Variants in ABCC3 observed in about 807,000 individuals in gnomAD.
ABCC3 encodes ATP binding cassette subfamily C member 3.
A neutral mutation model predicts 165.3 loss-of-function variants in ABCC3; 121 were observed. That is an observed-to-expected ratio of 0.73 (90% CI 0.63 to 0.85). ABCC3 has a LOEUF of 0.85. ABCC3 is among the 40% of genes least tolerant of loss of function. The pLI is 0.00. For missense variants in ABCC3, 1,869 were observed against 1,964.1 expected, an observed-to-expected ratio of 0.95 and a Z score of 0.92; for synonymous variants, 733 against 810.1, an observed-to-expected ratio of 0.90 and a Z score of 1.62.
At position 50,684,125 on chromosome 17, in the gene ABCC3, G is replaced by T; in HGVS notation, c.4113+18G>T. Reference sequence around the variant, plus strand: ...TCCCGCAGGTAGGAGCCTGGCATGGGCTGGCCACACTCACCAACGGCCCTG... The same window carrying T: ...TCCCGCAGGTAGGAGCCTGGCATGGTCTGGCCACACTCACCAACGGCCCTG... On this transcript the variant is annotated intron_variant, in intron 28 of 30. Coordinates refer to ENST00000285238, the MANE Select transcript of ABCC3 (RefSeq NM_003786.4). The T allele has an allele frequency of 6.2e-7, 1 of 1,610,490 alleles. No homozygotes were observed.
At chr17:50,684,650 G>A (rs761917635) in intron 28 of ABCC3, 59 bp from the exon 29 acceptor site, 92 of 1,546,468 alleles carry the variant, frequency 5.9e-5, no homozygotes, top group Non-Finnish European at 8.0e-5. Context: ...TGGACCTGGG[G>A]CCTATGGCTC....
rs1597858032 is a variant in ABCC3 at position 50,675,710 on chromosome 17, G to A, written c.2794G>A (p.Val932Met). The A allele has an allele frequency of 6.4e-7, 1 of 1,568,882 alleles. No individual in the cohort carries two copies. ...GAGGCACCTGGGTCCATCAGAGAAG[G>A]TGCAGGTGACAGAGGCGAAGGCAGA... The part of the protein sequence containing the change: ...PRRHLGPSEK[V>M]QVTEAKADGA... The change falls in exon 21 of 31, where the codon GTG (valine) becomes ATG (methionine). Residue 932 changes from valine to methionine, a missense_variant. Val to Met is a conservative substitution (Grantham distance 21). Transcript: ENST00000285238.
intron 10 of ABCC3, chr17:50,664,377 G>A: frequency 2.1e-6 from 1 of 476,672 alleles, no homozygotes; most frequent in South Asian, 2.3e-5. Context: ...AAAGAAGGAG[G>A]GTTATTCTGG....
intron 26 of ABCC3, 96 bp from the exon 27 acceptor site, chr17:50,683,514 T>C (rs568666576): frequency 2.2e-6 from 3 of 1,345,688 alleles, no homozygotes; most frequent in South Asian, 1.7e-5. Flanking sequence ...GGGACCATAG[T>C]TGGGGAGGAT....
At chr17:50,655,711 A>C (rs1007957151) in intron 1 of ABCC3, 121 bp from the exon 2 acceptor site, 1 of 857,496 alleles carries the variant, frequency 1.2e-6, no homozygotes, top group African/African-American at 1.7e-5. Flanking sequence ...TCTCCTCCTC[A>C]CCTGTCTTCC....
intron 1 of ABCC3, among the ~76,000 whole-genome samples, chr17:50,644,951 G>A (rs1470109359): frequency 6.6e-6 from 1 of 150,788 alleles, no homozygotes; most frequent in Admixed American, 6.6e-5. Context: ...CCGGGAGGCG[G>A]AGCTTGCAGT....
At chr17:50,675,224 G>A (rs1297517147) in intron 19 of ABCC3, 138 bp from the exon 20 acceptor site, 4 of 564,626 alleles carry the variant, frequency 7.1e-6, no homozygotes, top group Non-Finnish European at 1.2e-5. Flanking sequence ...AGTCTTTCTT[G>A]TTGCCCTTTC....
At chr17:50,675,575 C>A in intron 20 of ABCC3, 56 bp from the exon 21 acceptor site, 2 of 1,559,608 alleles carry the variant, frequency 1.3e-6, no homozygotes, top group Non-Finnish European at 1.7e-6. Flanking sequence ...CTCCCAGCCT[C>A]TGTCCTGGGG....
At chr17:50,662,773 T>C (rs1180378929) in intron 8 of ABCC3, among the ~76,000 whole-genome samples, 1 of 151,860 alleles carries the variant, frequency 6.6e-6, no homozygotes, top group Non-Finnish European at 1.5e-5. Flanking sequence ...GCTGAACATA[T>C]CTTTCTGGGA....
At position 50,673,148 on chromosome 17, in the gene ABCC3, G is replaced by A; in HGVS notation, c.2409+10G>A. 1 of 1,613,354 alleles carries A rather than the reference G, an allele frequency of 6.2e-7. No individual in the cohort carries two copies. Among genetic ancestry groups the A allele is most frequent in the Non-Finnish European group, 8.5e-7 (1 of 1,180,020 alleles). ...CGTGCTGGCAGGCAAGGTGAGGCCT[G>A]CCAGAGGCTAAGGGGGCTAAGGTGA... On this transcript the variant is annotated intron_variant, in intron 18 of 30. Coordinates refer to ENST00000285238, the MANE Select transcript of ABCC3 (RefSeq NM_003786.4).
intron 1 of ABCC3, 186 bp downstream of exon 1, chr17:50,635,167 C>A: frequency 1.7e-6 from 1 of 605,484 alleles, no homozygotes; most frequent in Non-Finnish European, 2.6e-6. Context: ...GGAGCCGGGT[C>A]CCACGCGGTG....
chr17:50,643,726 TA>T, intron 1 of ABCC3: 3 of 432,396 alleles, frequency 6.9e-6, no homozygotes, highest in Non-Finnish European at 1.4e-5. Flanking sequence ...TGACAAGTGG[TA>T]AAAAGAGGGA....
intron 1 of ABCC3, among the ~76,000 whole-genome samples, chr17:50,655,480 G>A (rs1967218262): frequency 6.6e-6 from 1 of 151,750 alleles, no homozygotes; most frequent in Admixed American, 6.6e-5. Flanking sequence ...GAGCCTGGGA[G>A]GGATGAACTG....
At position 50,667,423 on chromosome 17, in the gene ABCC3, A is replaced by G. The variant is rs934048472; in HGVS notation, c.1432-131A>G. The G allele has an allele frequency of 3.7e-6, 3 of 803,794 alleles. No individual in the cohort carries two copies. In the South Asian group the frequency reaches 5.1e-5, roughly 14 times the overall value. The allele number at this position is 803,794 out of a possible 1,614,324, so 49.8% of individuals were successfully genotyped here. ...AAGGCACAGCACAGGCCCAGCAAGG[A>G]GTTGTGAGAAGGAATGGTGGGCAGC... On this transcript the variant is annotated intron_variant, in intron 11 of 30. Coordinates refer to ENST00000285238, the MANE Select transcript of ABCC3 (RefSeq NM_003786.4).
At chr17:50,643,785 G>T in intron 1 of ABCC3, 1 of 371,166 alleles carries the variant, frequency 2.7e-6, no homozygotes, top group East Asian at 7.4e-5. Flanking sequence ...GCAGATTTAG[G>T]ATGAAGTGAG....
At position 50,675,643 on chromosome 17, in the gene ABCC3, C is replaced by G; in HGVS notation, c.2727C>G (p.Ala909=). 1.9e-6 allele frequency: 3 copies of G among 1,568,910 alleles called. No homozygotes were observed. Among genetic ancestry groups the G allele is most frequent in the Non-Finnish European group, 2.6e-6 (3 of 1,157,044 alleles). ...VQKQFMRQLS[A]LSSDGEGQGR... Reference sequence around the variant, plus strand: ...GCTGCCTCCACAGACAGCTGAGTGCCCTGTCCTCAGATGGGGAGGGACAGG... The same window carrying G: ...GCTGCCTCCACAGACAGCTGAGTGCGCTGTCCTCAGATGGGGAGGGACAGG... The change falls in exon 21 of 31, where the codon GCC becomes GCG. Residue 909 remains alanine (A), a synonymous_variant. Transcript: ENST00000285238.
chr17:50,676,732 AGGGG>A, intron 23 of ABCC3, 144 bp downstream of exon 23: 3 of 799,462 alleles, frequency 3.8e-6, no homozygotes, highest in Non-Finnish European at 3.8e-6. Context: ...CATTTATGTT[AGGGG>A]AGCCATTACT....
rs1244595927 is a variant in ABCC3 at position 50,677,865 on chromosome 17, G to A, written c.3500G>A (p.Ser1167Asn). 8 of 1,614,006 alleles carry A rather than the reference G, an allele frequency of 5.0e-6. No homozygotes were observed. Among genetic ancestry groups the A allele is most frequent in the African/African-American group, 1.3e-5 (1 of 74,904 alleles). ...GASVIRAYNR[S>N]RDFEIISDTK... ...AGTGTCATCCGGGCCTACAACCGCAGCCGGGATTTTGAGATCATCAGTGAT... is the reference window on the plus strand; with the variant it reads ...AGTGTCATCCGGGCCTACAACCGCAACCGGGATTTTGAGATCATCAGTGAT... Residue 1167 changes from serine to asparagine, a missense_variant, in exon 24 of 31, where the codon AGC becomes AAC. By Grantham distance (46) the Ser-to-Asn change is conservative. Coordinates refer to ENST00000285238, the MANE Select transcript of ABCC3 (RefSeq NM_003786.4).
chr17:50,656,840 C>A lies in ABCC3; in HGVS notation c.348+13C>A. ...GGGGGTCACCATGGTCAGTGTGGGGCCCTGGGAAAGTGGATGGGGGAGGTC... is the reference window on the plus strand; with the variant it reads ...GGGGGTCACCATGGTCAGTGTGGGGACCTGGGAAAGTGGATGGGGGAGGTC... On this transcript the variant is annotated intron_variant, in intron 3 of 30. Coordinates refer to ENST00000285238, the MANE Select transcript of ABCC3 (RefSeq NM_003786.4). 1 of 1,595,462 alleles carries A rather than the reference C, an allele frequency of 6.3e-7. No individual in the cohort carries two copies. Among genetic ancestry groups the A allele is most frequent in the Non-Finnish European group, 8.5e-7 (1 of 1,172,954 alleles).
Sources: gnomAD v4.1 joint callset for allele counts (sites outside exome capture counted in the v4.1 genomes callset) on GRCh38, gnomAD v4.1.1 for gene constraint, MANE v1.5 for transcripts, NCBI Gene and HGNC (gene_info 2026-07-23, HGNC 2026-07-21) for gene names.